Variants in IFT80 observed in about 807,000 individuals in gnomAD.
IFT80 encodes the protein intraflagellar transport protein 80 homolog.
Under a neutral mutation model 107.9 loss-of-function variants are expected in IFT80, and 79 were observed. The ratio of observed to expected loss-of-function variants is 0.73; its 90% CI spans 0.61 to 0.88. IFT80 has a LOEUF of 0.88. Among genes scored for constraint, IFT80 ranks in the 40% least tolerant of loss-of-function variants. IFT80 has a pLI of 0.00. For missense variants in IFT80, 797 were observed against 914.2 expected (o/e 0.87, Z 1.65); for synonymous variants, 299 against 300.9 (o/e 0.99, Z 0.07).
At chr3:160,290,718 T>A (rs1310374788) in intron 12 of IFT80, among the ~76,000 whole-genome samples, 2 of 152,034 alleles carry the variant, frequency 1.3e-5, no homozygotes, top group East Asian at 1.9e-4. Flanking sequence ...ATAGCTGGGA[T>A]GCCAGCTAAT....
intron 19 of IFT80, among the ~76,000 whole-genome samples, chr3:160,263,895 T>C (rs185221119): frequency 6.6e-6 from 1 of 152,246 alleles, no homozygotes; most frequent in Admixed American, 6.5e-5. Flanking sequence ...ATGGTCTCGA[T>C]CTCCTGAACT....
rs540661138 is a variant in IFT80, at chr3:160,304,437, T to TTTTTC, written c.1077-449_1077-448insGAAAA. ...ACCTGTCAGCCACTTGATTTTTTCT[T>TTTTTC]TTTTTTTTTTTTTTTTGAGATGGAG... On this transcript the variant is annotated intron_variant, in intron 10 of 19. Transcript: ENST00000326448. 1.2e-4 allele frequency among the ~76,000 whole-genome samples: 17 copies of TTTTTC among 145,622 alleles called. No individual in the cohort carries two copies. The South Asian group carries it at 3.5e-3, about 30-fold the overall frequency.
At chr3:160,286,731 G>A (rs1050447364) in intron 12 of IFT80, among the ~76,000 whole-genome samples, 5 of 152,110 alleles carry the variant, frequency 3.3e-5, no homozygotes, top group East Asian at 1.9e-4. Flanking sequence ...ATCATATTCC[G>A]CAAAGGAAAA....
chr3:160,317,682 T>A (rs1717917246), intron 9 of IFT80, among the ~76,000 whole-genome samples: 1 of 152,082 alleles, frequency 6.6e-6, no homozygotes, highest in Admixed American at 6.6e-5. Flanking sequence ...TCCTACATCC[T>A]TCTTAAAGGA....
chr3:160,282,299 T>G (rs1245624377), intron 14 of IFT80, among the ~76,000 whole-genome samples, 179 bp downstream of exon 14: 3 of 152,048 alleles, frequency 2.0e-5, no homozygotes, highest in Admixed American at 6.5e-5. Context: ...CAATAAAAAT[T>G]TAAAAATAAA....
At chr3:160,287,659 A>T (rs746494349) in intron 12 of IFT80, among the ~76,000 whole-genome samples, 1 of 152,192 alleles carries the variant, frequency 6.6e-6, no homozygotes, top group East Asian at 1.9e-4. Flanking sequence ...GATGATGCAT[A>T]TATCTTCTGG....
At chr3:160,365,374 T>TA (rs1228764321) in intron 6 of IFT80, among the ~76,000 whole-genome samples, 1 of 152,112 alleles carries the variant, frequency 6.6e-6, no homozygotes, top group Non-Finnish European at 1.5e-5. Flanking sequence ...TCTATGTCCT[T>TA]ATTCCCTAAA....
chr3:160,260,241 G>A (rs1359201212), intron 19 of IFT80, among the ~76,000 whole-genome samples: 1 of 152,120 alleles, frequency 6.6e-6, no homozygotes, highest in Non-Finnish European at 1.5e-5. Context: ...GTGCTAAGAT[G>A]CAAGTGACAG....
chr3:160,348,562 TGTC>T (rs938790226), intron 8 of IFT80, among the ~76,000 whole-genome samples: 2 of 152,228 alleles, frequency 1.3e-5, no homozygotes, highest in Non-Finnish European at 2.9e-5. Flanking sequence ...GGGTTACACT[TGTC>T]GTAGCAATTC....
rs1481734486 is a variant in IFT80 at position 160,366,473 on chromosome 3, TTTTAATATATAAAGAAATAGCAGAAAA to T, written c.440-348_440-322del. On this transcript the variant is annotated intron_variant, in intron 5 of 19. Coordinates refer to ENST00000326448, the MANE Select transcript of IFT80 (RefSeq NM_020800.3). ...ATAAGATAAAATAAATATACTTCAT[TTTTAATATATAAAGAAATAGCAGAAAA>T]GTCATGATTTATCATTTCCCATCAT... 7.2e-5 allele frequency among the ~76,000 whole-genome samples: 11 copies of T among 152,184 alleles called. No homozygotes were observed. The South Asian group carries it at 1.2e-3, about 17-fold the overall frequency.
intron 16 of IFT80, among the ~76,000 whole-genome samples, chr3:160,278,558 TA>T (rs1559915356): frequency 6.6e-6 from 1 of 152,160 alleles, no homozygotes; most frequent in Non-Finnish European, 1.5e-5. Context: ...TTCTTCTGCC[TA>T]TTACGCTTTC....
chr3:160,337,329 T>A (rs1719565624), intron 8 of IFT80, among the ~76,000 whole-genome samples: 1 of 152,122 alleles, frequency 6.6e-6, no homozygotes, highest in Non-Finnish European at 1.5e-5. Context: ...ACCTTTATAT[T>A]TAAAGGTAAG....
intron 8 of IFT80, among the ~76,000 whole-genome samples, chr3:160,323,438 A>C (rs980498277): frequency 2.0e-5 from 3 of 152,096 alleles, no homozygotes; most frequent in African/African-American, 7.2e-5. Context: ...TGGTTACTGT[A>C]GCCTTGTAGT....
intron 19 of IFT80, among the ~76,000 whole-genome samples, chr3:160,267,442 G>A (rs374321041): frequency 4.6e-5 from 7 of 152,254 alleles, no homozygotes; most frequent in African/African-American, 1.7e-4. Flanking sequence ...CTAGCATAGT[G>A]TCTAGGCCAG....
chr3:160,265,127 A>G (rs973800025), intron 19 of IFT80, among the ~76,000 whole-genome samples: 6 of 152,242 alleles, frequency 3.9e-5, no homozygotes, highest in Non-Finnish European at 7.3e-5. Flanking sequence ...AAACTTCATA[A>G]AGCCAGGGCC....
chr3:160,326,609 C>T (rs960217427), intron 8 of IFT80, among the ~76,000 whole-genome samples: 8 of 151,998 alleles, frequency 5.3e-5, no homozygotes, highest in Admixed American at 6.6e-5. Flanking sequence ...AAAAGGCTTC[C>T]GATAAAATTC....
rs911880616 is a variant in IFT80 at position 160,277,808 on chromosome 3, T to C, written c.1837-138A>G. ...TACTGAGCAGGGCATTAAAAAAAAC[T>C]AATAATGTGGGAATTTCATTGTGGC... On this transcript the variant is annotated intron_variant, in intron 16 of 19. Coordinates refer to ENST00000326448, the MANE Select transcript of IFT80 (RefSeq NM_020800.3). 4 of 644,206 alleles carry C rather than the reference T, an allele frequency of 6.2e-6. No homozygotes were observed. In the Admixed American group the frequency reaches 8.2e-5, roughly 13 times the overall value. 39.9% of individuals were successfully genotyped at this position (644,206 alleles called of 1,614,324 possible).
At chr3:160,384,770 A>C (rs772735473) in intron 1 of IFT80, 124 bp from the exon 2 acceptor site, 19 of 663,696 alleles carry the variant, frequency 2.9e-5, no homozygotes, top group Middle Eastern at 2.9e-4. Context: ...TCTGACATCA[A>C]GTACATGGAA....
chr3:160,258,914 T>C (rs1712578442), intron 19 of IFT80, among the ~76,000 whole-genome samples: 1 of 151,900 alleles, frequency 6.6e-6, no homozygotes, highest in Non-Finnish European at 1.5e-5. Context: ...CTGGGCAACA[T>C]GGCAAAGTTC....
Sources: gnomAD v4.1 joint callset for allele counts (sites outside exome capture counted in the v4.1 genomes callset) on GRCh38, gnomAD v4.1.1 for gene constraint, MANE v1.5 for transcripts, NCBI Gene and HGNC (gene_info 2026-07-23, HGNC 2026-07-21) for gene names.